The following SLC24A2 variants were observed in gnomAD, a reference collection of about 807,000 sequenced individuals.
The protein encoded by SLC24A2 is sodium/potassium/calcium exchanger 2.
Under a neutral mutation model 62.0 loss-of-function variants are expected in SLC24A2, and 36 were observed. That is an observed-to-expected ratio of 0.58 (90% CI 0.44 to 0.77). The LOEUF (loss-of-function observed/expected upper bound fraction) is 0.77, where lower values mean the gene tolerates loss of function less well. Among genes scored for constraint, SLC24A2 ranks in the 30% least tolerant of loss-of-function variants. The pLI, the probability that SLC24A2 is intolerant of heterozygous loss-of-function variation, is 0.00. For synonymous variants in SLC24A2, 358 were observed against 294.0 expected (o/e 1.22, Z -2.23); for missense variants, 846 against 817.9 (o/e 1.03, Z -0.42).
chr9:19,958,190 G>A, the SLC24A2 span: 2 of 152,098 alleles, frequency 1.3e-5, no homozygotes, highest in African/African-American at 4.8e-5. Context: ...CGTGGGGAGG[G>A]ATATCTTGCC....
At chr9:20,168,347 A>G in the SLC24A2 span, among the ~76,000 whole-genome samples, 1 of 152,018 alleles carries the variant, frequency 6.6e-6, no homozygotes, top group Non-Finnish European at 1.5e-5. Flanking sequence ...TGACACCAAG[A>G]TAACAGGTAA....
chr9:19,804,910 C>G, the SLC24A2 span, among the ~76,000 whole-genome samples: 11 of 152,170 alleles, frequency 7.2e-5, no homozygotes. Flanking sequence ...CTCCTTTATT[C>G]TACTAATGTG....
the SLC24A2 span, among the ~76,000 whole-genome samples, chr9:20,248,117 C>G: frequency 6.6e-6 from 1 of 152,184 alleles, no homozygotes; most frequent in Non-Finnish European, 1.5e-5. Flanking sequence ...AACTCAATGC[C>G]TCTGAGATAC....
chr9:19,913,625 T>A, the SLC24A2 span, among the ~76,000 whole-genome samples: 1 of 152,130 alleles, frequency 6.6e-6, no homozygotes. Context: ...AATTTTCCAG[T>A]GCCAGCAAGC....
At chr9:20,087,063 A>G in the SLC24A2 span, among the ~76,000 whole-genome samples, 2 of 152,176 alleles carry the variant, frequency 1.3e-5, no homozygotes, top group Admixed American at 6.5e-5. Flanking sequence ...TGGCAGCTGG[A>G]CCATATATAT....
At chr9:19,584,301 A>C (rs1167275697) in intron 5 of SLC24A2, among the ~76,000 whole-genome samples, 1 of 148,874 alleles carries the variant, frequency 6.7e-6, no homozygotes, top group Non-Finnish European at 1.5e-5. Flanking sequence ...AAACAAACAA[A>C]AAACAAAACA....
At chr9:20,042,153 G>T in the SLC24A2 span, among the ~76,000 whole-genome samples, 7 of 152,330 alleles carry the variant, frequency 4.6e-5, no homozygotes, top group African/African-American at 1.7e-4. Context: ...AGAGGGCACA[G>T]CTCTGGAGAT....
chr9:20,159,911 A>C, the SLC24A2 span, among the ~76,000 whole-genome samples: 1 of 151,660 alleles, frequency 6.6e-6, no homozygotes, highest in African/African-American at 2.4e-5. Flanking sequence ...TAATATGCAC[A>C]GAAATTATAA....
the SLC24A2 span, among the ~76,000 whole-genome samples, chr9:20,110,789 T>C: frequency 1.3e-5 from 2 of 152,234 alleles, no homozygotes; most frequent in African/African-American, 2.4e-5. Context: ...TTCATAGTGA[T>C]CTTTCCTTCC....
chr9:19,528,854 A>T (rs935275977), intron 8 of SLC24A2, among the ~76,000 whole-genome samples: 9 of 152,138 alleles, frequency 5.9e-5, no homozygotes, highest in African/African-American at 2.2e-4. Flanking sequence ...TCTCCTGTTC[A>T]CCACCCCAAA....
the SLC24A2 span, among the ~76,000 whole-genome samples, chr9:20,256,921 TACACAC>T: frequency 9.7e-4 from 116 of 119,972 alleles, no homozygotes; most frequent in African/African-American, 3.1e-3. Flanking sequence ...CTCCAGCATG[TACACAC>T]ACACACACAC....
the SLC24A2 span, among the ~76,000 whole-genome samples, chr9:19,904,205 T>A: frequency 6.6e-6 from 1 of 152,216 alleles, no homozygotes; most frequent in Non-Finnish European, 1.5e-5. Context: ...AACTACTGAA[T>A]CAGAATCTGC....
At chr9:19,673,695 C>G (rs1819484576) in intron 2 of SLC24A2, among the ~76,000 whole-genome samples, 2 of 152,182 alleles carry the variant, frequency 1.3e-5, no homozygotes, top group Admixed American at 1.3e-4. Flanking sequence ...AGTGATCCAC[C>G]TGCTTTGGCC....
At chr9:20,119,454 A>T in the SLC24A2 span, among the ~76,000 whole-genome samples, 1 of 152,230 alleles carries the variant, frequency 6.6e-6, no homozygotes, top group Non-Finnish European at 1.5e-5. Flanking sequence ...TTGGTATAAC[A>T]TTCAAAAATC....
chr9:19,518,978 C>T (rs191195244), intron 10 of SLC24A2, among the ~76,000 whole-genome samples: 2 of 152,016 alleles, frequency 1.3e-5, no homozygotes, highest in East Asian at 3.8e-4. Flanking sequence ...TTTATCCTAA[C>T]AAATAATTAA....
At chr9:20,229,025 G>GAAAAAAA in the SLC24A2 span, among the ~76,000 whole-genome samples, 1 of 152,166 alleles carries the variant, frequency 6.6e-6, no homozygotes, top group African/African-American at 2.4e-5. Context: ...GGAGCTGGGT[G>GAAAAAAA]TGAGGTGTGA....
At chr9:19,835,989 C>T in the SLC24A2 span, among the ~76,000 whole-genome samples, 17 of 152,030 alleles carry the variant, frequency 1.1e-4, no homozygotes, top group African/African-American at 3.6e-4. Context: ...GGGTACATAA[C>T]GAAATGAAGG....
At chr9:19,970,235 G>A in the SLC24A2 span, among the ~76,000 whole-genome samples, 1 of 152,162 alleles carries the variant, frequency 6.6e-6, no homozygotes, top group African/African-American at 2.4e-5. Context: ...AACCCTTTCT[G>A]AAATCACTGA....
At chr9:19,592,494 C>CTA (rs1408513059) in intron 5 of SLC24A2, among the ~76,000 whole-genome samples, 141 of 6,908 alleles carry the variant, frequency 0.02, no homozygotes, top group African/African-American at 0.037. Flanking sequence ...ACCTACCTAC[C>CTA]CACCTACCTA....
Sources: gnomAD v4.1 joint callset for allele counts (sites outside exome capture counted in the v4.1 genomes callset) on GRCh38, gnomAD v4.1.1 for gene constraint, MANE v1.5 for transcripts, NCBI Gene and HGNC (gene_info 2026-07-23, HGNC 2026-07-21) for gene names.